Variants in USF3 observed in about 807,000 individuals in gnomAD.
USF3 encodes basic helix-loop-helix domain-containing protein USF3.
Under a neutral mutation model 157.5 loss-of-function variants are expected in USF3, and 29 were observed. The ratio of observed to expected loss-of-function variants is 0.18; its 90% confidence interval spans 0.14 to 0.25. The LOEUF (loss-of-function observed/expected upper bound fraction) is 0.25. USF3 is among the 10% of genes least tolerant of loss of function. The probability of loss-of-function intolerance (pLI) is 1.00; values close to 1 mark genes in which losing one functional copy is unlikely to be tolerated. For synonymous variants in USF3, 893 were observed against 941.4 expected, an observed-to-expected ratio of 0.95 and a Z score of 0.94; for missense variants, 2,381 against 2,667.6, an observed-to-expected ratio of 0.89 and a Z score of 2.37.
chr3:113,668,626 T>A lies in USF3; in HGVS notation c.159+1495A>T, dbSNP rs550275256. ...CAAGTATGAAAAAAACAGCTTCAAG[T>A]CACTAAACATTTCAGGAAAACCCCC... On this transcript the variant is annotated intron_variant, in intron 5 of 6. Transcript: ENST00000316407. 2.9e-4 allele frequency among the ~76,000 whole-genome samples: 44 copies of A among 151,176 alleles called. 1 individual carries two copies. In the South Asian group the frequency reaches 7.8e-3, roughly 27 times the overall value.
intron 1 of USF3, among the ~76,000 whole-genome samples, chr3:113,682,808 T>C (rs1364051395): frequency 6.6e-6 from 1 of 152,168 alleles, no homozygotes; most frequent in East Asian, 1.9e-4. Flanking sequence ...TGCTATATCT[T>C]TTCCATCCCC....
intron 1 of USF3, among the ~76,000 whole-genome samples, chr3:113,687,793 C>G (rs1250860477): frequency 6.6e-6 from 1 of 152,234 alleles, no homozygotes; most frequent in Non-Finnish European, 1.5e-5. Context: ...CATACACATC[C>G]AAGGTCCTTT....
intron 1 of USF3, among the ~76,000 whole-genome samples, chr3:113,693,984 C>A (rs1018234147): frequency 1.3e-5 from 2 of 152,246 alleles, no homozygotes; most frequent in African/African-American, 4.8e-5. Context: ...TGGGAGTTCT[C>A]AGCCAGGGCT....
At chr3:113,691,434 C>T (rs1473804177) in intron 1 of USF3, among the ~76,000 whole-genome samples, 1 of 152,228 alleles carries the variant, frequency 6.6e-6, no homozygotes, top group East Asian at 1.9e-4. Context: ...TTCCACACTG[C>T]CAAATCCGAT....
intron 1 of USF3, among the ~76,000 whole-genome samples, chr3:113,687,973 A>T (rs551247512): frequency 6.6e-6 from 1 of 152,352 alleles, no homozygotes; most frequent in South Asian, 2.1e-4. Flanking sequence ...TTGTAGTATA[A>T]CTGTAAAACT....
chr3:113,649,728 GGT>G lies in USF3; in HGVS notation c.*5214_*5215del. The G allele has an allele frequency of 1.5e-6, 1 of 682,076 alleles. No homozygotes were observed. Among genetic ancestry groups the G allele is most frequent in the East Asian group, 2.7e-5 (1 of 37,124 alleles). 42.3% of individuals were successfully genotyped at this position (682,076 alleles called of 1,614,324 possible). On this transcript the variant is annotated 3_prime_UTR_variant, in exon 7 of 7. Transcript: ENST00000316407. ...AGTTTCAGGTAAAGTGCAGGAACAGGGTAGAGGCTACAGGTGGAAAGATCTAG... is the reference window on the plus strand; with the variant it reads ...AGTTTCAGGTAAAGTGCAGGAACAGGAGAGGCTACAGGTGGAAAGATCTAG...
rs1434234472 is a variant in USF3 at position 113,656,208 on chromosome 3, G to A, written c.5474C>T (p.Ala1825Val). ...CHQSFMQSLLAPHLSDQVIGS... is the reference protein window; with the variant it reads ...CHQSFMQSLLVPHLSDQVIGS... ...AATGACCTGATCACTGAGGTGAGGG[G>A]CAAGTAAGCTCTGCATGAAACTTTG... Residue 1825 changes from alanine to valine, a missense_variant, in exon 7 of 7, where the codon GCC becomes GTC. This residue lies in a region of USF3 where 770 missense variants were observed against 824.2 expected (regional missense o/e 0.93). Transcript: ENST00000316407. The A allele has an allele frequency of 1.3e-5, 21 of 1,614,032 alleles. No homozygotes were observed. The Admixed American group carries it at 2.3e-4, about 18-fold the overall frequency.
intron 5 of USF3, among the ~76,000 whole-genome samples, chr3:113,664,716 A>G (rs954025892): frequency 2.0e-5 from 3 of 152,214 alleles, no homozygotes; most frequent in African/African-American, 7.2e-5. Context: ...AGCAGGGTAA[A>G]GAGGGAGCTA....
At position 113,656,683 on chromosome 3, in the gene USF3, T is replaced by C. The variant is rs1268814997; in HGVS notation, c.4999A>G (p.Ser1667Gly). 3.7e-6 allele frequency: 6 copies of C among 1,614,056 alleles called. No individual in the cohort carries two copies. In the Admixed American group the frequency reaches 8.3e-5, roughly 22 times the overall value. ...CCAATGAGTGCCTCAGCAGAATAACTTGAAACTCTATTTCTCTCTGGCCTG... is the reference window on the plus strand; with the variant it reads ...CCAATGAGTGCCTCAGCAGAATAACCTGAAACTCTATTTCTCTCTGGCCTG... ...PHRPERNRVS[S>G]YSAEALIGKT... Residue 1667 changes from serine to glycine, a missense_variant, in exon 7 of 7, where the codon AGT becomes GGT. Ser to Gly is a moderately conservative substitution (Grantham distance 56). Around this residue, in one of 6 missense-constraint regions of USF3, gnomAD observed 770 missense variants for 824.2 expected, o/e 0.93. Transcript: ENST00000316407.
chr3:113,659,996 T>A lies in USF3; in HGVS notation c.1686A>T (p.Pro562=). 1 of 1,614,170 alleles carries A rather than the reference T, an allele frequency of 6.2e-7. No individual in the cohort carries two copies. The highest frequency in any genetic ancestry group is 1.1e-5 in the South Asian group (1 of 91,090). ...VIILQPPSTT[P]CPTVMRAEVS... ...CTTCTGCCCTCATCACTGTTGGGCA[T>A]GGGGTGGTGCTAGGTGGCTGAAGAA... The change falls in exon 7 of 7, where the codon CCA becomes CCT. Residue 562 remains proline (P), a synonymous_variant. Transcript: ENST00000316407.
chr3:113,676,811 A>G (rs1420014105), intron 2 of USF3, among the ~76,000 whole-genome samples: 1 of 152,208 alleles, frequency 6.6e-6, no homozygotes, highest in Non-Finnish European at 1.5e-5. Flanking sequence ...CCTAGCTGTC[A>G]GGTCTTGGGC....
intron 2 of USF3, among the ~76,000 whole-genome samples, chr3:113,676,243 C>G (rs772555563): frequency 7.9e-5 from 12 of 152,310 alleles, no homozygotes; most frequent in South Asian, 4.1e-4. Context: ...ATCCTTATAG[C>G]AGTGCCCCAC....
Position 113,660,209 on chromosome 3 carries a change from A to G in USF3, c.1473T>C (p.Val491=), listed in dbSNP as rs1221771411. Reference sequence around the variant, plus strand: ...AAGGCAATGTTACAACTACTTGCTCAACTGGCTGCCCATCTGCTGGAAAGG... The same window carrying G: ...AAGGCAATGTTACAACTACTTGCTCGACTGGCTGCCCATCTGCTGGAAAGG... ...NNSFPADGQP[V]EQVVVTLPSC... Residue 491 remains valine, a synonymous_variant, in exon 7 of 7, where the codon GTT becomes GTC. Transcript: ENST00000316407. The G allele has an allele frequency of 3.1e-6, 5 of 1,614,100 alleles. No homozygotes were observed. Among genetic ancestry groups the G allele is most frequent in the Non-Finnish European group, 4.2e-6 (5 of 1,180,048 alleles).
Position 113,657,050 on chromosome 3 carries a change from T to G in USF3, c.4632A>C (p.Gly1544=), listed in dbSNP as rs1947375032. 6.2e-7 allele frequency: 1 copy of G among 1,613,978 alleles called. No homozygotes were observed. ...CAGTCTTGGATCGGGATTGGTCAGTTCCATGGTGCTTTGGTTGTAAGGAAA... is the reference window on the plus strand; with the variant it reads ...CAGTCTTGGATCGGGATTGGTCAGTGCCATGGTGCTTTGGTTGTAAGGAAA... The part of the protein sequence containing the change: ...SQLSLQPKHH[G]TDQSRSKTGQ... Residue 1544 remains glycine (G), a synonymous_variant, in exon 7 of 7, where the codon GGA becomes GGC. Coordinates refer to ENST00000316407, the MANE Select transcript of USF3 (RefSeq NM_001009899.4).
chr3:113,664,282 C>CTTTT (rs1330558315), intron 6 of USF3, 31 bp downstream of exon 6: 1 of 1,373,746 alleles, frequency 7.3e-7, no homozygotes. Flanking sequence ...TTTTAAAATA[C>CTTTT]AACAAAAAGT....
rs1339987728 is a variant in USF3, at chr3:113,656,127, G to A, written c.5555C>T (p.Ser1852Phe). The change falls in exon 7 of 7, where the codon TCT (serine) becomes TTT (phenylalanine). Residue 1852 changes from serine to phenylalanine, a missense_variant. This residue lies in a region of USF3 where 770 missense variants were observed against 824.2 expected (regional missense o/e 0.93). Coordinates refer to ENST00000316407, the MANE Select transcript of USF3 (RefSeq NM_001009899.4). ...HQRNTQCGPS[S>F]AIEYNCPPTH... ...TGGGGGACAATTATATTCAATTGCA[G>A]AGGATGGACCACACTGTGTATTCCT... 3.1e-6 allele frequency: 5 copies of A among 1,614,166 alleles called. No homozygotes were observed. The East Asian group carries it at 1.1e-4, about 36-fold the overall frequency.
chr3:113,688,867 C>A lies in USF3; in HGVS notation c.-135+7503G>T, dbSNP rs528362887. ...CATCCTGGTTAACATGGTGAAACCCCGTCTCTACTGAAAATTAGCTGGGCG... is the reference window on the plus strand; with the variant it reads ...CATCCTGGTTAACATGGTGAAACCCAGTCTCTACTGAAAATTAGCTGGGCG... On this transcript the variant is annotated intron_variant, in intron 1 of 6. Coordinates refer to ENST00000316407, the MANE Select transcript of USF3 (RefSeq NM_001009899.4). 1.6e-4 allele frequency among the ~76,000 whole-genome samples: 24 copies of A among 152,078 alleles called. No homozygotes were observed. The East Asian group carries it at 2.9e-3, about 18-fold the overall frequency.
chr3:113,655,450 T>C lies in USF3; in HGVS notation c.6232A>G (p.Asn2078Asp), dbSNP rs1207685656. Reference sequence around the variant, plus strand: ...TGTGGAATGAAAGAAGCATTAGCATTTATTGGTGGATTCATGCCACCCTCA... The same window carrying C: ...TGTGGAATGAAAGAAGCATTAGCATCTATTGGTGGATTCATGCCACCCTCA... Reference protein sequence around the residue: ...IPEGGMNPPINANASFIPQVT... With the variant: ...IPEGGMNPPIDANASFIPQVT... The change falls in exon 7 of 7, where the codon AAT becomes GAT. Residue 2078 changes from asparagine (N) to aspartate (D), a missense_variant. Coordinates refer to ENST00000316407, the MANE Select transcript of USF3 (RefSeq NM_001009899.4). 1.2e-6 allele frequency: 2 copies of C among 1,614,114 alleles called. No individual in the cohort carries two copies. The highest frequency in any genetic ancestry group is 3.3e-5 in the Admixed American group (2 of 60,016).
chr3:113,691,928 T>C (rs1192870659), intron 1 of USF3, among the ~76,000 whole-genome samples: 4 of 152,208 alleles, frequency 2.6e-5, no homozygotes, highest in Admixed American at 6.5e-5. Context: ...CCTAGAGCAG[T>C]GGTCCCAACC....
Sources: gnomAD v4.1 joint callset for allele counts (sites outside exome capture counted in the v4.1 genomes callset) on GRCh38, gnomAD v4.1.1 for gene constraint, gnomAD v4.1.1 regional missense constraint, MANE v1.5 for transcripts, NCBI Gene and HGNC (gene_info 2026-07-23, HGNC 2026-07-21) for gene names.